DISP1: variants seen among roughly 807,000 people sequenced by gnomAD.
DISP1 encodes dispatched RND transporter family member 1.
In DISP1, 30 loss-of-function variants were observed where a neutral mutation model predicts 37.3. The ratio of observed to expected loss-of-function variants is 0.80; its 90% CI spans 0.60 to 1.09. The LOEUF is 1.09. DISP1 is among the 50% of genes least tolerant of loss of function. The probability of loss-of-function intolerance (pLI) is 0.00; values close to 1 mark genes in which losing one functional copy is unlikely to be tolerated. For missense variants in DISP1, 1,598 were observed against 1,879.5 expected (o/e 0.85, Z 2.77); for synonymous variants, 634 against 690.2 (o/e 0.92, Z 1.28).
At chr1:222,907,096 G>A (rs1041586354) in intron 1 of DISP1, among the ~76,000 whole-genome samples, 6 of 152,116 alleles carry the variant, frequency 3.9e-5, no homozygotes, top group South Asian at 4.2e-4. Context: ...AGTGGCCATC[G>A]ATTTGCAGAA....
intron 3 of DISP1, among the ~76,000 whole-genome samples, chr1:222,954,165 A>ATGTCTAAT (rs1457273188): frequency 6.6e-6 from 1 of 151,986 alleles, no homozygotes; most frequent in African/African-American, 2.4e-5. Flanking sequence ...GATCAGTTAC[A>ATGTCTAAT]TGTCTAATTC....
In DISP1 at chr1:222,874,368, G is replaced by GT. The variant is rs548005262; in HGVS notation, c.-158-54058dup. Among the ~76,000 whole-genome samples the GT allele has an allele frequency of 5.6e-4, 85 of 152,260 alleles. 1 individual carries two copies. The East Asian group carries it at 0.016, about 28-fold the overall frequency. On this transcript the variant is annotated intron_variant, in intron 1 of 8. Coordinates refer to ENST00000675850, the MANE Select transcript of DISP1 (RefSeq NM_001377229.1). ...TCTCCTGGATAATATCCTGCAGAGT[G>GT]TTTTCCAACTTGGTTCCATTCTCCC...
rs754221607 is a variant in DISP1 at position 222,994,922 on chromosome 1, A to T, written c.927A>T (p.Gly309=). Residue 309 remains glycine (G), a synonymous_variant, in exon 8 of 9, where the codon GGA becomes GGT. Coordinates refer to ENST00000675850, the MANE Select transcript of DISP1 (RefSeq NM_001377229.1). ...CCAGAGTGGTATTTACTTCATCTGG[A>T]GGGGAGACATTATGGAATTTACCTG... The part of the protein sequence containing the change: ...RYSRVVFTSS[G]GETLWNLPAI... 1.2e-6 allele frequency: 2 copies of T among 1,612,890 alleles called. No homozygotes were observed. The highest frequency in any genetic ancestry group is 2.2e-5 in the East Asian group (1 of 44,828).
rs779526244 is a variant in DISP1, at chr1:223,002,919, G to T, written c.1522G>T (p.Ala508Ser). Residue 508 changes from alanine to serine, a missense_variant, in exon 9 of 9, where the codon GCC becomes TCC. By Grantham distance (99) the Ala-to-Ser change is moderately conservative (BLOSUM62 1). Transcript: ENST00000675850. ...TCTTCTAATGGATACTGTGTATCCT[G>T]CCATAGCCATTGTGATTGTCCTTTT... The part of the protein sequence containing the change: ...DYLLMDTVYP[A>S]IAIVIVLLVM... 2 of 1,613,912 alleles carry T rather than the reference G, an allele frequency of 1.2e-6. No homozygotes were observed. The highest frequency in any genetic ancestry group is 1.7e-6 in the Non-Finnish European group (2 of 1,180,024).
At chr1:222,865,667 A>C (rs967328790) in intron 1 of DISP1, among the ~76,000 whole-genome samples, 1 of 152,220 alleles carries the variant, frequency 6.6e-6, no homozygotes, top group Non-Finnish European at 1.5e-5. Context: ...TTGTTTAAAA[A>C]GTTCTTTTCT....
chr1:222,947,269 C>T (rs887324735), intron 3 of DISP1, among the ~76,000 whole-genome samples: 5 of 151,644 alleles, frequency 3.3e-5, no homozygotes, highest in Admixed American at 6.6e-5. Flanking sequence ...TAGTATTTGC[C>T]TTTTTTTTGT....
intron 3 of DISP1, chr1:222,979,663 T>G (rs1484380216): frequency 4.2e-6 from 2 of 471,130 alleles, no homozygotes; most frequent in Non-Finnish European, 4.4e-6. Context: ...CTTCTTCAGA[T>G]GTGAACGTGT....
chr1:222,929,751 G>T lies in DISP1; in HGVS notation c.-18+1181G>T, dbSNP rs186946748. 2.4e-4 allele frequency among the ~76,000 whole-genome samples: 37 copies of T among 152,064 alleles called. 1 individual carries two copies. In the East Asian group the frequency reaches 6.8e-3, roughly 28 times the overall value. Reference sequence around the variant, plus strand: ...ACTTTCTAAAATGTTAAAACATTTTGCATTCTTTCATGTATTTTTTAGTCT... The same window carrying T: ...ACTTTCTAAAATGTTAAAACATTTTTCATTCTTTCATGTATTTTTTAGTCT... On this transcript the variant is annotated intron_variant, in intron 2 of 8. Coordinates refer to ENST00000675850, the MANE Select transcript of DISP1 (RefSeq NM_001377229.1).
intron 3 of DISP1, among the ~76,000 whole-genome samples, chr1:222,966,745 A>G (rs1462423307): frequency 6.6e-6 from 1 of 152,208 alleles, no homozygotes; most frequent in Non-Finnish European, 1.5e-5. Flanking sequence ...TGGTGGTTAC[A>G]TAGATGTGTA....
intron 1 of DISP1, among the ~76,000 whole-genome samples, chr1:222,852,075 T>G (rs1264617695): frequency 2.0e-5 from 3 of 151,946 alleles, no homozygotes; most frequent in Admixed American, 6.6e-5. Flanking sequence ...TCCCAGCTAC[T>G]CGGGAAGCTG....
chr1:222,898,595 C>T (rs969513154), intron 1 of DISP1, among the ~76,000 whole-genome samples: 1 of 150,108 alleles, frequency 6.7e-6, no homozygotes, highest in Admixed American at 6.6e-5. Context: ...AAAGTGTACA[C>T]ATTCAGGTTT....
chr1:222,892,632 C>T (rs1233447197), intron 1 of DISP1, among the ~76,000 whole-genome samples: 1 of 152,072 alleles, frequency 6.6e-6, no homozygotes, highest in African/African-American at 2.4e-5. Flanking sequence ...CTACAGGCTA[C>T]GATTATTTGT....
At chr1:222,837,789 CTG>C (rs1284041686) in intron 1 of DISP1, among the ~76,000 whole-genome samples, 1 of 151,990 alleles carries the variant, frequency 6.6e-6, no homozygotes, top group African/African-American at 2.4e-5. Flanking sequence ...TTATGAGAAA[CTG>C]TTTAATTAAG....
chr1:223,000,603 A>G (rs1679365282), intron 8 of DISP1, among the ~76,000 whole-genome samples: 1 of 152,228 alleles, frequency 6.6e-6, no homozygotes, highest in South Asian at 2.1e-4. Context: ...AGCATATACA[A>G]AAGTAGAGAA....
intron 1 of DISP1, among the ~76,000 whole-genome samples, chr1:222,887,864 G>A (rs1408029828): frequency 6.6e-6 from 1 of 152,142 alleles, no homozygotes; most frequent in African/African-American, 2.4e-5. Flanking sequence ...CAGATCTTTT[G>A]TCCTAATTTG....
At chr1:222,890,568 G>A (rs943425296) in intron 1 of DISP1, among the ~76,000 whole-genome samples, 1 of 152,124 alleles carries the variant, frequency 6.6e-6, no homozygotes, top group African/African-American at 2.4e-5. Context: ...GGGGAATCGG[G>A]GAAGACTTCT....
rs140920690 is a variant in DISP1, at chr1:222,816,615, T to C, written c.-159+1537T>C. On this transcript the variant is annotated intron_variant, in intron 1 of 8. Coordinates refer to ENST00000675850, the MANE Select transcript of DISP1 (RefSeq NM_001377229.1). Reference sequence around the variant, plus strand: ...TTTTATATTTATTGGTACTGCGATATCTTGCTAGCTTATAAATTCTTGATG... The same window carrying C: ...TTTTATATTTATTGGTACTGCGATACCTTGCTAGCTTATAAATTCTTGATG... Among the ~76,000 whole-genome samples, 90 of 152,362 alleles carry C rather than the reference T, an allele frequency of 5.9e-4. 2 individuals are homozygous for C. In the East Asian group the frequency reaches 6.4e-3, roughly 11 times the overall value.
intron 3 of DISP1, among the ~76,000 whole-genome samples, chr1:222,966,847 A>G (rs375594038): frequency 2.4e-4 from 36 of 150,734 alleles, no homozygotes; most frequent in African/African-American, 9.0e-4. Flanking sequence ...AGAATGATGT[A>G]AGGGATTTAA....
intron 1 of DISP1, among the ~76,000 whole-genome samples, chr1:222,864,406 G>A (rs1330514647): frequency 6.6e-6 from 1 of 150,692 alleles, no homozygotes; most frequent in Non-Finnish European, 1.5e-5. Context: ...ACTTTCTTGA[G>A]TAAATAGCTC....
Sources: allele counts gnomAD v4.1 joint callset (sites outside exome capture counted in the v4.1 genomes callset), GRCh38; gene constraint gnomAD v4.1.1; transcripts MANE v1.5; gene names NCBI Gene and HGNC (gene_info 2026-07-23, HGNC 2026-07-21).